Variants in EXPH5 observed in about 807,000 individuals in gnomAD.
The protein encoded by EXPH5 is exophilin 5.
EXPH5 carries 42 observed loss-of-function variants against 41.1 expected under a neutral mutation model. The observed-to-expected ratio is 1.02, with a 90% CI of 0.80 to 1.32. The LOEUF (loss-of-function observed/expected upper bound fraction) is 1.32, where lower values mean the gene tolerates loss of function less well. Among genes scored for constraint, EXPH5 ranks in the 40% most tolerant of loss-of-function variants. The pLI is 0.00. For synonymous variants in EXPH5, 798 were observed against 833.5 expected (o/e 0.96, Z 0.73); for missense variants, 2,298 against 2,314.5 (o/e 0.99, Z 0.15).
rs192366132 is a variant in EXPH5 at position 108,573,275 on chromosome 11, A to C, written c.119+20143T>G. On this transcript the variant is annotated intron_variant, in intron 1 of 5. Coordinates refer to ENST00000265843, the MANE Select transcript of EXPH5 (RefSeq NM_015065.3). ...AAGCAAGCGAGGGAGAAAGAAAAGG[A>C]GTCTACCACCCTACCAGGGTACTGA... is the stretch of plus-strand genomic sequence containing the variant. Among the ~76,000 whole-genome samples the C allele has an allele frequency of 2.4e-3, 358 of 152,258 alleles. 2 individuals are homozygous for C. The highest frequency in any genetic ancestry group is 8.2e-3 in the African/African-American group (340 of 41,524).
At chr11:108,533,772 C>A (rs539373825) in intron 3 of EXPH5, among the ~76,000 whole-genome samples, 1 of 152,124 alleles carries the variant, frequency 6.6e-6, no homozygotes, top group African/African-American at 2.4e-5. Flanking sequence ...ATTGCACCCT[C>A]CCCTCTTCAG....
At position 108,510,315 on chromosome 11, in the gene EXPH5, G is replaced by A; in HGVS notation, c.5192C>T (p.Ala1731Val). ...AAQNLVRESG[A>V]PSPITFTSLR... ...GCTGGTGAATGTGATGGGTGATGGG[G>A]CTCCTGATTCTCTTACTAAATTCTG... is the stretch of plus-strand genomic sequence containing the variant. The change falls in exon 6 of 6, where the codon GCC (alanine) becomes GTC (valine). Residue 1731 changes from alanine (A) to valine (V), a missense_variant. By Grantham distance (64) the Ala-to-Val change is moderately conservative. Coordinates refer to ENST00000265843, the MANE Select transcript of EXPH5 (RefSeq NM_015065.3). 6.2e-7 allele frequency: 1 copy of A among 1,614,118 alleles called. No individual in the cohort carries two copies. Among genetic ancestry groups the A allele is most frequent in the Non-Finnish European group, 8.5e-7 (1 of 1,180,010 alleles).
the EXPH5 span, among the ~76,000 whole-genome samples, chr11:108,603,182 A>G: frequency 6.6e-6 from 1 of 152,268 alleles, no homozygotes; most frequent in East Asian, 1.9e-4. Flanking sequence ...TCTTTCCTTT[A>G]TAAATTACCC....
chr11:108,539,181 T>C lies in EXPH5; in HGVS notation c.286A>G (p.Ile96Val). ...TTAGATCTTGATGTAGGTAATTCTATCGGATCTAGAAAAAAAAATTGTAAA... is the reference window on the plus strand; with the variant it reads ...TTAGATCTTGATGTAGGTAATTCTACCGGATCTAGAAAAAAAAATTGTAAA... ...LSKEMAKNDP[I>V]ELPTSRSKNV... The change falls in exon 3 of 6, where the codon ATA (isoleucine) becomes GTA (valine). Residue 96 changes from isoleucine to valine, a missense_variant. Transcript: ENST00000265843. 1 of 1,569,242 alleles carries C rather than the reference T, an allele frequency of 6.4e-7. No individual in the cohort carries two copies.
At chr11:108,565,031 G>A (rs1009036200) in intron 1 of EXPH5, among the ~76,000 whole-genome samples, 5 of 149,832 alleles carry the variant, frequency 3.3e-5, no homozygotes, top group African/African-American at 1.2e-4. Flanking sequence ...TCGGCCTCCC[G>A]AGTAGCTGGG....
upstream of EXPH5, among the ~76,000 whole-genome samples, chr11:108,597,358 C>A (rs1181410986): frequency 6.6e-6 from 1 of 152,146 alleles, no homozygotes; most frequent in Non-Finnish European, 1.5e-5. Context: ...CCACCGCACC[C>A]AGCTAATTTT....
chr11:108,549,317 C>G (rs187916317), intron 1 of EXPH5, among the ~76,000 whole-genome samples: 1 of 152,198 alleles, frequency 6.6e-6, no homozygotes, highest in Non-Finnish European at 1.5e-5. Flanking sequence ...CACATGAATC[C>G]GTCTGTGAAA....
At chr11:108,556,064 C>A (rs1432693148) in intron 1 of EXPH5, among the ~76,000 whole-genome samples, 1 of 152,140 alleles carries the variant, frequency 6.6e-6, no homozygotes, top group Non-Finnish European at 1.5e-5. Flanking sequence ...ATCTAATTGG[C>A]ATTTATTAGT....
intron 1 of EXPH5, among the ~76,000 whole-genome samples, chr11:108,583,579 T>G (rs1479018527): frequency 6.6e-6 from 1 of 151,264 alleles, no homozygotes; most frequent in Non-Finnish European, 1.5e-5. Flanking sequence ...CCCAACAGTT[T>G]GGGAGGCCGA....
chr11:108,531,662 T>C (rs2093838636), intron 3 of EXPH5, among the ~76,000 whole-genome samples: 1 of 152,158 alleles, frequency 6.6e-6, no homozygotes, highest in African/African-American at 2.4e-5. Flanking sequence ...AGGATGGGGC[T>C]CAAGAATATC....
intron 1 of EXPH5, among the ~76,000 whole-genome samples, chr11:108,563,060 G>GT (rs2094019715): frequency 2.5e-5 from 1 of 39,470 alleles, no homozygotes; most frequent in African/African-American, 5.9e-5. Context: ...CTCTAGTTAG[G>GT]GTTTAAGTCC....
rs747761481 is a variant in EXPH5 at position 108,511,334 on chromosome 11, A to G, written c.4173T>C (p.Ser1391=). ...GCATCAATGAAGTATGCAGGGTTTC[A>G]CTTTGCAACTTTTTGCCTCTTTCCT... is the stretch of plus-strand genomic sequence containing the variant. ...NKKERGKKLQ[S]ETLHTSLMLQ... Residue 1391 remains serine (S), a synonymous_variant, in exon 6 of 6, where the codon AGT becomes AGC. Coordinates refer to ENST00000265843, the MANE Select transcript of EXPH5 (RefSeq NM_015065.3). 3.2e-6 allele frequency: 5 copies of G among 1,581,018 alleles called. No homozygotes were observed. The highest frequency in any genetic ancestry group is 4.3e-6 in the Non-Finnish European group (5 of 1,167,868).
At chr11:108,515,877 C>T (rs1160213793) in intron 5 of EXPH5, among the ~76,000 whole-genome samples, 1 of 152,054 alleles carries the variant, frequency 6.6e-6, no homozygotes, top group African/African-American at 2.4e-5. Context: ...TTGAGACCAT[C>T]CTGGCTAACA....
At chr11:108,564,298 A>G (rs1399021994) in intron 1 of EXPH5, among the ~76,000 whole-genome samples, 2 of 152,170 alleles carry the variant, frequency 1.3e-5, no homozygotes, top group East Asian at 3.8e-4. Flanking sequence ...AAAATAAAAA[A>G]GAAATAAAAG....
chr11:108,537,467 G>T (rs1017359720), intron 3 of EXPH5, among the ~76,000 whole-genome samples: 4 of 152,292 alleles, frequency 2.6e-5, no homozygotes, highest in African/African-American at 9.6e-5. Flanking sequence ...ATATTTAAAT[G>T]ATGAAATTTA....
intron 1 of EXPH5, among the ~76,000 whole-genome samples, chr11:108,591,068 C>T (rs748982508): frequency 6.6e-6 from 1 of 152,182 alleles, no homozygotes; most frequent in Non-Finnish European, 1.5e-5. Context: ...TAAACTTCCC[C>T]ATTTGGACCC....
intron 1 of EXPH5, among the ~76,000 whole-genome samples, chr11:108,563,553 A>G (rs1457742882): frequency 6.6e-6 from 1 of 152,192 alleles, no homozygotes; most frequent in Admixed American, 6.5e-5. Context: ...GCCACGGGCC[A>G]TCTCAGCAAA....
At chr11:108,559,237 A>G (rs2094002049) in intron 1 of EXPH5, among the ~76,000 whole-genome samples, 1 of 152,212 alleles carries the variant, frequency 6.6e-6, no homozygotes, top group Admixed American at 6.5e-5. Context: ...TGAATAACCG[A>G]AAAAATGAAT....
At chr11:108,604,058 A>AT in the EXPH5 span, among the ~76,000 whole-genome samples, 1 of 151,974 alleles carries the variant, frequency 6.6e-6, no homozygotes, top group Admixed American at 6.6e-5. Context: ...ACCTGTTTCA[A>AT]TTTTTTTAAG....
Sources: gnomAD v4.1 joint callset for allele counts (sites outside exome capture counted in the v4.1 genomes callset) on GRCh38, gnomAD v4.1.1 for gene constraint, MANE v1.5 for transcripts, NCBI Gene and HGNC (gene_info 2026-07-23, HGNC 2026-07-21) for gene names.